Variants in LIPC observed in about 807,000 individuals in gnomAD.
The protein encoded by LIPC is hepatic triacylglycerol lipase.
A neutral mutation model predicts 50.7 loss-of-function variants in LIPC; 44 were observed. The ratio of observed to expected loss-of-function variants is 0.87; its 90% confidence interval spans 0.68 to 1.11. The LOEUF (loss-of-function observed/expected upper bound fraction) is 1.11. LIPC is among the 50% of genes most tolerant of loss of function. The probability of loss-of-function intolerance (pLI) is 0.00; values close to 1 mark genes in which losing one functional copy is unlikely to be tolerated. For missense variants in LIPC, 697 were observed against 648.2 expected (o/e 1.08, Z -0.82); for synonymous variants, 271 against 256.4 (o/e 1.06, Z -0.54).
At chr15:58,518,451 G>A (rs1465580825) in intron 1 of LIPC, among the ~76,000 whole-genome samples, 4 of 152,068 alleles carry the variant, frequency 2.6e-5, no homozygotes, top group African/African-American at 9.7e-5. Flanking sequence ...GTGAGAGACA[G>A]AATTGTGCAG....
chr15:58,559,704 A>T (rs11421820), intron 6 of LIPC, among the ~76,000 whole-genome samples: 15 of 7,522 alleles, frequency 2.0e-3, no homozygotes, highest in South Asian at 5.3e-3. Flanking sequence ...CCCTGTCTCA[A>T]AAAAAAAAAA....
chr15:58,507,410 T>C (rs1892186926), intron 1 of LIPC, among the ~76,000 whole-genome samples: 1 of 152,188 alleles, frequency 6.6e-6, no homozygotes, highest in African/African-American at 2.4e-5. Context: ...TTATTAAACA[T>C]GCAAATAAGA....
intron 1 of LIPC, among the ~76,000 whole-genome samples, chr15:58,486,066 G>A (rs866033345): frequency 1.6e-4 from 25 of 152,282 alleles, no homozygotes; most frequent in African/African-American, 5.8e-4. Context: ...GCATAACTAA[G>A]AAAAAGCTGT....
rs376062943 is a variant in LIPC at position 58,440,606 on chromosome 15, T to G, written c.88+8486T>G. The stretch of plus-strand genomic sequence containing the variant: ...CACTGTGCCAGGGTCTCTAGCCCCT[T>G]ATGGGGTGTGTGTGGGGGCAGGGAG... On this transcript the variant is annotated intron_variant, in intron 1 of 8. Coordinates refer to ENST00000299022, the MANE Select transcript of LIPC (RefSeq NM_000236.3). Among the ~76,000 whole-genome samples the G allele has an allele frequency of 5.9e-5, 9 of 152,228 alleles. No individual in the cohort carries two copies. The East Asian group carries it at 9.7e-4, about 16-fold the overall frequency.
At chr15:58,519,418 A>AG (rs1384620466) in intron 1 of LIPC, among the ~76,000 whole-genome samples, 3 of 147,460 alleles carry the variant, frequency 2.0e-5, no homozygotes, top group African/African-American at 5.3e-5. Context: ...CTCAAAAAAA[A>AG]AAAAAAGAAA....
intron 4 of LIPC, among the ~76,000 whole-genome samples, chr15:58,545,402 A>G (rs1319617642): frequency 6.6e-6 from 1 of 152,112 alleles, no homozygotes; most frequent in African/African-American, 2.4e-5. Context: ...CCACATCCAC[A>G]TAACTTTTGT....
chr15:58,510,706 G>A (rs1409566375), intron 1 of LIPC, among the ~76,000 whole-genome samples: 1 of 152,176 alleles, frequency 6.6e-6, no homozygotes, highest in Non-Finnish European at 1.5e-5. Context: ...TAAGACATCA[G>A]GTTTTAACTT....
At chr15:58,498,498 A>G (rs1891855894) in intron 1 of LIPC, 1 of 152,204 alleles carries the variant, frequency 6.6e-6, no homozygotes, top group Non-Finnish European at 1.5e-5. Context: ...ATATATACAC[A>G]CACACATATA....
intron 1 of LIPC, among the ~76,000 whole-genome samples, chr15:58,528,755 G>A (rs1305896994): frequency 6.6e-6 from 1 of 152,200 alleles, no homozygotes; most frequent in Non-Finnish European, 1.5e-5. Flanking sequence ...TCCATCCACG[G>A]GTCCAGACTG....
At chr15:58,474,816 C>T (rs772825868) in intron 1 of LIPC, among the ~76,000 whole-genome samples, 64 of 152,166 alleles carry the variant, frequency 4.2e-4, no homozygotes, top group Middle Eastern at 3.2e-3. Context: ...CCCAGCTGCC[C>T]CTGGCTTCTC....
chr15:58,459,008 G>T (rs1894237495), intron 1 of LIPC, among the ~76,000 whole-genome samples: 1 of 152,158 alleles, frequency 6.6e-6, no homozygotes, highest in Non-Finnish European at 1.5e-5. Flanking sequence ...AAGGTGCTAG[G>T]TCATAGAACA....
chr15:58,541,121 T>C (rs1893304440), intron 2 of LIPC, among the ~76,000 whole-genome samples: 1 of 152,146 alleles, frequency 6.6e-6, no homozygotes, highest in African/African-American at 2.4e-5. Context: ...TTCGTCTTAC[T>C]GGACTCCTAT....
At chr15:58,445,526 G>A (rs1893664101) in intron 1 of LIPC, among the ~76,000 whole-genome samples, 1 of 152,172 alleles carries the variant, frequency 6.6e-6, no homozygotes, top group Non-Finnish European at 1.5e-5. Flanking sequence ...ACAGAGCTGG[G>A]GCTAGGAGGA....
chr15:58,561,154 A>G (rs1385620256), intron 7 of LIPC, among the ~76,000 whole-genome samples, 173 bp downstream of exon 7: 1 of 152,224 alleles, frequency 6.6e-6, no homozygotes, highest in Non-Finnish European at 1.5e-5. Flanking sequence ...TGCCAAGGTT[A>G]AAGACATTAC....
chr15:58,452,817 C>A (rs1325456000), intron 1 of LIPC, among the ~76,000 whole-genome samples: 1 of 152,202 alleles, frequency 6.6e-6, no homozygotes, highest in Non-Finnish European at 1.5e-5. Flanking sequence ...GGACTGGGAG[C>A]TGGTAGTGAG....
chr15:58,567,365 G>GTC (rs1894426363), intron 8 of LIPC, among the ~76,000 whole-genome samples: 2 of 106,246 alleles, frequency 1.9e-5, no homozygotes, highest in Admixed American at 9.9e-5. Flanking sequence ...ATATGTATAT[G>GTC]TATATATATA....
chr15:58,530,186 T>C (rs1462809628), intron 1 of LIPC, among the ~76,000 whole-genome samples: 1 of 152,226 alleles, frequency 6.6e-6, no homozygotes, highest in African/African-American at 2.4e-5. Context: ...TTTCTAACCC[T>C]CTTGCTGGAC....
intron 2 of LIPC, among the ~76,000 whole-genome samples, chr15:58,539,989 C>T (rs1893267300): frequency 6.6e-6 from 1 of 152,214 alleles, no homozygotes; most frequent in Non-Finnish European, 1.5e-5. Flanking sequence ...TCCACCACTG[C>T]TCTGCAGCTC....
In LIPC at chr15:58,503,531, C is replaced by T. The variant is rs1450982878; in HGVS notation, c.89-34802C>T. 3.3e-5 allele frequency among the ~76,000 whole-genome samples: 5 copies of T among 152,188 alleles called. No homozygotes were observed. The East Asian group carries it at 7.7e-4, about 23-fold the overall frequency. The stretch of plus-strand genomic sequence containing the variant: ...GGCAGCACCTCGCATCTGATACTGG[C>T]GCATATCAGCACCCTACTGGACACA... On this transcript the variant is annotated intron_variant, in intron 1 of 8. Transcript: ENST00000299022.
Sources: allele counts gnomAD v4.1 joint callset (sites outside exome capture counted in the v4.1 genomes callset), GRCh38; gene constraint gnomAD v4.1.1; transcripts MANE v1.5; gene names NCBI Gene and HGNC (gene_info 2026-07-23, HGNC 2026-07-21).